KALRN: variants seen among roughly 807,000 people sequenced by gnomAD.
KALRN encodes the protein kalirin.
Under a neutral mutation model 353.7 loss-of-function variants are expected in KALRN, and 70 were observed. That is an observed-to-expected ratio of 0.20 (90% CI 0.16 to 0.24). The LOEUF (loss-of-function observed/expected upper bound fraction) is 0.24. Ranked by LOEUF, KALRN falls within the 10% of genes least tolerant of loss-of-function variation. The pLI, the probability that KALRN is intolerant of heterozygous loss-of-function variation, is 1.00. For synonymous variants in KALRN, 1,391 were observed against 1,434.8 expected (o/e 0.97, Z 0.69); for missense variants, 2,791 against 3,756.7 (o/e 0.74, Z 6.72).
At chr3:124,616,623 AG>A (rs2078627799) in intron 34 of KALRN, among the ~76,000 whole-genome samples, 1 of 152,142 alleles carries the variant, frequency 6.6e-6, no homozygotes, top group Non-Finnish European at 1.5e-5. Flanking sequence ...GTAAAGAAAA[AG>A]GTGGCTTTCT....
At chr3:124,700,147 T>C (rs2062250659) in intron 56 of KALRN, 114 bp downstream of exon 56, 6 of 953,246 alleles carry the variant, frequency 6.3e-6, no homozygotes, top group Non-Finnish European at 8.1e-6. Context: ...AGGCACCTTT[T>C]AGAGGACTAA....
chr3:124,244,739 A>G (rs2080907750), intron 3 of KALRN, among the ~76,000 whole-genome samples: 1 of 152,222 alleles, frequency 6.6e-6, no homozygotes, highest in South Asian at 2.1e-4. Flanking sequence ...TGTTGTAAGT[A>G]ACCCTCAGTA....
chr3:124,248,398 G>A (rs1170221524), intron 3 of KALRN, among the ~76,000 whole-genome samples: 1 of 152,248 alleles, frequency 6.6e-6, no homozygotes, highest in Non-Finnish European at 1.5e-5. Context: ...CCAGAGGTGG[G>A]TGGACTGGCA....
rs887465592 is a variant in KALRN, at chr3:124,724,182, C to T, written c.*4712C>T. The T allele has an allele frequency of 6.6e-6, 1 of 151,960 alleles. No homozygotes were observed. The highest frequency in any genetic ancestry group is 1.5e-5 in the Non-Finnish European group (1 of 68,002). 9.4% of individuals were successfully genotyped at this position (151,960 alleles called of 1,614,324 possible). The stretch of plus-strand genomic sequence containing the variant: ...TTAGATTTGTGAGAATATGAGGGAG[C>T]AAATATGATATAAACTAAATTTTGC... On this transcript the variant is annotated 3_prime_UTR_variant, in exon 60 of 60. Transcript: ENST00000682506.
chr3:124,713,071 C>T lies in KALRN; in HGVS notation c.8212C>T (p.Pro2738Ser). 1 of 1,614,100 alleles carries T rather than the reference C, an allele frequency of 6.2e-7. No individual in the cohort carries two copies. The highest frequency in any genetic ancestry group is 8.5e-7 in the Non-Finnish European group (1 of 1,179,990). The change falls in exon 58 of 60, where the codon CCC (proline) becomes TCC (serine). Residue 2738 changes from proline to serine, a missense_variant. This residue lies in a region of KALRN where 188 missense variants were observed against 402.9 expected (regional missense o/e 0.47). Transcript: ENST00000682506. ...TGCCCTGCTTCAGCACCTACAGCACCCCCAGTACATCACTCTCCATGACAC... is the reference window on the plus strand; with the variant it reads ...TGCCCTGCTTCAGCACCTACAGCACTCCCAGTACATCACTCTCCATGACAC... ...EAALLQHLQH[P>S]QYITLHDTYE...
At chr3:124,524,570 T>C (rs190953435) in intron 33 of KALRN, among the ~76,000 whole-genome samples, 41 of 152,308 alleles carry the variant, frequency 2.7e-4, no homozygotes, top group Middle Eastern at 6.8e-3. Context: ...AAAAAATTAA[T>C]GTTCACTGCA....
At chr3:124,275,628 C>G (rs1051900811) in intron 5 of KALRN, among the ~76,000 whole-genome samples, 2 of 152,204 alleles carry the variant, frequency 1.3e-5, no homozygotes, top group African/African-American at 4.8e-5. Flanking sequence ...ACATTGGCTT[C>G]CCTTCCTTCT....
chr3:124,484,788 A>G (rs993985808), intron 28 of KALRN, among the ~76,000 whole-genome samples: 2 of 152,034 alleles, frequency 1.3e-5, no homozygotes, highest in South Asian at 4.1e-4. Flanking sequence ...TTCCTATCCC[A>G]CTTGATGCTT....
chr3:124,118,564 C>T (rs1167526939), intron 1 of KALRN, among the ~76,000 whole-genome samples: 1 of 152,190 alleles, frequency 6.6e-6, no homozygotes, highest in Non-Finnish European at 1.5e-5. Flanking sequence ...CTGTCCCTCA[C>T]GTGGGCTCTG....
At chr3:124,699,459 G>A (rs2062214028) in intron 55 of KALRN, among the ~76,000 whole-genome samples, 2 of 152,170 alleles carry the variant, frequency 1.3e-5, no homozygotes, top group South Asian at 2.1e-4. Context: ...TATTTTACGT[G>A]TACGTAGTGT....
At chr3:124,219,684 C>T (rs2077686090) in intron 1 of KALRN, among the ~76,000 whole-genome samples, 1 of 152,166 alleles carries the variant, frequency 6.6e-6, no homozygotes, top group East Asian at 1.9e-4. Flanking sequence ...CACCATCCCT[C>T]CTGCACACCT....
intron 1 of KALRN, among the ~76,000 whole-genome samples, chr3:124,131,212 G>A (rs186221329): frequency 6.6e-6 from 1 of 152,262 alleles, no homozygotes; most frequent in African/African-American, 2.4e-5. Context: ...ATATTCTTAA[G>A]GTTCTTGCCC....
chr3:124,616,376 T>C (rs1419247787), intron 34 of KALRN, among the ~76,000 whole-genome samples: 1 of 152,178 alleles, frequency 6.6e-6, no homozygotes, highest in Non-Finnish European at 1.5e-5. Flanking sequence ...TGATAGTACA[T>C]AAGCCTAAAA....
At chr3:124,240,673 T>C (rs565169579) in intron 3 of KALRN, among the ~76,000 whole-genome samples, 4 of 151,846 alleles carry the variant, frequency 2.6e-5, no homozygotes, top group African/African-American at 4.8e-5. Flanking sequence ...GGGGAGCCCA[T>C]TGATGTAGTC....
At chr3:124,329,480 GC>G (rs2080278282) in intron 7 of KALRN, among the ~76,000 whole-genome samples, 1 of 152,270 alleles carries the variant, frequency 6.6e-6, no homozygotes, top group African/African-American at 2.4e-5. Context: ...ATTACACACA[GC>G]CCCTCACGTG....
chr3:124,244,768 C>T (rs552832499), intron 3 of KALRN, among the ~76,000 whole-genome samples: 1 of 152,122 alleles, frequency 6.6e-6, no homozygotes, highest in South Asian at 2.1e-4. Context: ...TTTATGTAAA[C>T]CTTTGTCTGT....
At chr3:124,612,157 TG>T (rs1344852798) in intron 34 of KALRN, among the ~76,000 whole-genome samples, 5 of 152,252 alleles carry the variant, frequency 3.3e-5, no homozygotes, top group Non-Finnish European at 4.4e-5. Flanking sequence ...CCCAAGTAGC[TG>T]GGATTACAGG....
At chr3:124,294,095 A>G (rs2076640467) in intron 5 of KALRN, among the ~76,000 whole-genome samples, 2 of 152,088 alleles carry the variant, frequency 1.3e-5, no homozygotes, top group African/African-American at 2.4e-5. Context: ...TTGACAGGGA[A>G]GTGTTCCAAC....
intron 51 of KALRN, among the ~76,000 whole-genome samples, chr3:124,689,676 G>A (rs2061722233): frequency 6.6e-6 from 1 of 152,146 alleles, no homozygotes; most frequent in African/African-American, 2.4e-5. Flanking sequence ...AGGTGGTCAG[G>A]AAGCCTAATT....
Sources: allele counts gnomAD v4.1 joint callset (sites outside exome capture counted in the v4.1 genomes callset), GRCh38; gene constraint gnomAD v4.1.1; regional missense constraint gnomAD v4.1.1; transcripts MANE v1.5; gene names NCBI Gene and HGNC (gene_info 2026-07-23, HGNC 2026-07-21).